Variants in SFXN1 observed in about 807,000 individuals in gnomAD.
The protein encoded by SFXN1 is sideroflexin 1, also known as sideroflexin-1.
Under a neutral mutation model 39.5 loss-of-function variants are expected in SFXN1, and 32 were observed. The ratio of observed to expected loss-of-function variants is 0.81; its 90% CI spans 0.61 to 1.09. The LOEUF (loss-of-function observed/expected upper bound fraction) is 1.09, where lower values mean the gene tolerates loss of function less well. Among genes scored for constraint, SFXN1 ranks in the 50% least tolerant of loss-of-function variants. SFXN1 has a pLI of 0.00. For synonymous variants in SFXN1, 136 were observed against 146.5 expected, an observed-to-expected ratio of 0.93 and a Z score of 0.52; for missense variants, 402 against 407.1, an observed-to-expected ratio of 0.99 and a Z score of 0.11.
intron 1 of SFXN1, among the ~76,000 whole-genome samples, chr5:175,489,213 TTA>T (rs1331943910): frequency 6.6e-6 from 1 of 152,232 alleles, no homozygotes; most frequent in African/African-American, 2.4e-5. Context: ...GAATTATATC[TTA>T]TTGGCTCATT....
At position 175,527,136 on chromosome 5, in the gene SFXN1, C is replaced by T. The variant is rs1369564439; in HGVS notation, c.*402C>T. ...TAAAATACTGAATTTTCATCTCACT[C>T]CCATTGCAAATCAAGGAGATCTCAG... On this transcript the variant is annotated 3_prime_UTR_variant, in exon 11 of 11. Coordinates refer to ENST00000321442, the MANE Select transcript of SFXN1 (RefSeq NM_022754.7). 1 of 161,754 alleles carries T rather than the reference C, an allele frequency of 6.2e-6. No homozygotes were observed. The highest frequency in any genetic ancestry group is 2.4e-5 in the African/African-American group (1 of 41,780). The allele number at this position is 161,754 out of a possible 1,614,324, so 10.0% of individuals were successfully genotyped here. A position where few individuals can be genotyped will look rare whatever the true frequency, so the allele number is the denominator to read the frequency against.
At chr5:175,511,281 G>C (rs1015239718) in intron 4 of SFXN1, among the ~76,000 whole-genome samples, 170 bp from the exon 5 acceptor site, 12 of 152,282 alleles carry the variant, frequency 7.9e-5, no homozygotes, top group African/African-American at 2.9e-4. Context: ...GGATCTGCTT[G>C]CTTTTTCTCT....
At chr5:175,494,411 G>T (rs1284427627) in intron 2 of SFXN1, among the ~76,000 whole-genome samples, 1 of 152,162 alleles carries the variant, frequency 6.6e-6, no homozygotes, top group Non-Finnish European at 1.5e-5. Context: ...TGTCACTTGG[G>T]AATTTCACAA....
At chr5:175,493,032 T>A (rs1404963445) in intron 2 of SFXN1, among the ~76,000 whole-genome samples, 1 of 152,160 alleles carries the variant, frequency 6.6e-6, no homozygotes, top group Admixed American at 6.5e-5. Flanking sequence ...GGTGGGTAGA[T>A]CACGAGGTCA....
rs148498465 is a variant in SFXN1, at chr5:175,498,172, G to A, written c.164+5905G>A. Among the ~76,000 whole-genome samples the A allele has an allele frequency of 6.5e-4, 99 of 152,192 alleles. No homozygotes were observed. The East Asian group carries it at 0.015, about 24-fold the overall frequency. On this transcript the variant is annotated intron_variant, in intron 2 of 10. Transcript: ENST00000321442. Reference sequence around the variant, plus strand: ...AATTGTACTCTGAGGAAAGTTTATAGCTTTACATATCTCTGTGATTAAACA... The same window carrying A: ...AATTGTACTCTGAGGAAAGTTTATAACTTTACATATCTCTGTGATTAAACA...
intron 1 of SFXN1, chr5:175,491,792 CTTTTCGT>C: frequency 4.8e-6 from 1 of 209,618 alleles, no homozygotes; most frequent in Non-Finnish European, 9.4e-6. Flanking sequence ...CATCCTAAAA[CTTTTCGT>C]ACCTTTATTT....
intron 1 of SFXN1, among the ~76,000 whole-genome samples, chr5:175,486,250 T>C (rs865842833): frequency 6.6e-6 from 1 of 152,042 alleles, no homozygotes. Context: ...TCAAGAAAAA[T>C]GGCTAGAAAA....
intron 1 of SFXN1, among the ~76,000 whole-genome samples, chr5:175,480,130 G>A (rs977064484): frequency 2.0e-5 from 3 of 152,158 alleles, no homozygotes; most frequent in East Asian, 3.9e-4. Flanking sequence ...GGCCAGGCGC[G>A]GTGGCTCACG....
intron 2 of SFXN1, among the ~76,000 whole-genome samples, chr5:175,508,664 A>T (rs1760400469): frequency 6.6e-6 from 1 of 151,738 alleles, no homozygotes; most frequent in Non-Finnish European, 1.5e-5. Context: ...TTTGAGACAG[A>T]GTCTCGCTTT....
intron 5 of SFXN1, 36 bp downstream of exon 5, chr5:175,511,562 A>C: frequency 1.3e-6 from 2 of 1,535,326 alleles, no homozygotes; most frequent in South Asian, 1.1e-5. Flanking sequence ...AAAGCTGTTT[A>C]ATTTGTTATC....
At position 175,492,115 on chromosome 5, in the gene SFXN1, A is replaced by C. The variant is rs938599458; in HGVS notation, c.12A>C (p.Glu4Asp). Residue 4 changes from glutamate to aspartate, a missense_variant, in exon 2 of 11, where the codon GAA (glutamate) becomes GAC (aspartate). By Grantham distance (45) the Glu-to-Asp change is conservative. Transcript: ENST00000321442. ...TGCAGTCCGGGACCATGTCTGGAGA[A>C]CTACCACCAAACATTAACATCAAGG... MSG[E>D]LPPNINIKEP... 5.0e-6 allele frequency: 8 copies of C among 1,613,230 alleles called. No homozygotes were observed. The highest frequency in any genetic ancestry group is 1.3e-5 in the African/African-American group (1 of 74,884).
chr5:175,488,305 CTT>C (rs541900398), intron 1 of SFXN1, among the ~76,000 whole-genome samples: 12 of 143,186 alleles, frequency 8.4e-5, no homozygotes, highest in East Asian at 2.0e-4. Context: ...AGATGCATTT[CTT>C]TTTTTTTTTT....
Position 175,526,839 on chromosome 5 carries a change from C to A in SFXN1, c.*105C>A. On this transcript the variant is annotated 3_prime_UTR_variant, in exon 11 of 11. Coordinates refer to ENST00000321442, the MANE Select transcript of SFXN1 (RefSeq NM_022754.7). The stretch of plus-strand genomic sequence containing the variant: ...CCTGGGTTCTCCCAGTTACGGAAAC[C>A]TTTTAAAGATCCACATTAGCCTTTT... 1 of 922,676 alleles carries A rather than the reference C, an allele frequency of 1.1e-6. No individual in the cohort carries two copies. Among genetic ancestry groups the A allele is most frequent in the South Asian group, 1.5e-5 (1 of 68,702 alleles). The allele number at this position is 922,676 out of a possible 1,614,324, so 57.2% of individuals were successfully genotyped here. A position where few individuals can be genotyped will look rare whatever the true frequency, so the allele number is the denominator to read the frequency against.
intron 8 of SFXN1, among the ~76,000 whole-genome samples, chr5:175,518,242 G>C (rs1257538127): frequency 6.6e-6 from 1 of 152,136 alleles, no homozygotes; most frequent in Non-Finnish European, 1.5e-5. Flanking sequence ...AATTGATATG[G>C]TTTGGGTCCT....
chr5:175,526,344 A>G (rs1291417766), intron 10 of SFXN1, among the ~76,000 whole-genome samples: 4 of 152,220 alleles, frequency 2.6e-5, no homozygotes, highest in Non-Finnish European at 1.5e-5. Context: ...CAACACCAGC[A>G]GGGCCTGAGA....
At chr5:175,518,902 A>G (rs940583779) in intron 8 of SFXN1, among the ~76,000 whole-genome samples, 8 of 152,224 alleles carry the variant, frequency 5.3e-5, no homozygotes, top group Non-Finnish European at 4.4e-5. Context: ...ATTGGACTTC[A>G]TCAGATTTTT....
intron 2 of SFXN1, among the ~76,000 whole-genome samples, chr5:175,506,910 C>T (rs903440641): frequency 1.3e-5 from 2 of 152,206 alleles, no homozygotes; most frequent in Admixed American, 6.5e-5. Context: ...GTGATCCACC[C>T]ACCTTGGCCT....
chr5:175,517,601 C>G (rs757693347), intron 8 of SFXN1, among the ~76,000 whole-genome samples: 1 of 152,144 alleles, frequency 6.6e-6, no homozygotes, highest in African/African-American at 2.4e-5. Flanking sequence ...CTACCACTCC[C>G]CAAGTTCACA....
rs534500513 is a variant in SFXN1 at position 175,478,870 on chromosome 5, C to A, written c.-10+231C>A. On this transcript the variant is annotated intron_variant, in intron 1 of 10. Coordinates refer to ENST00000321442, the MANE Select transcript of SFXN1 (RefSeq NM_022754.7). ...CCTGCGGCCGGACAACACCACGCTT[C>A]CAGCATCCCGAGGCCCAGCATCCCG... Among the ~76,000 whole-genome samples the A allele has an allele frequency of 6.6e-5, 10 of 150,614 alleles. 1 individual carries two copies. The South Asian group carries it at 2.1e-3, about 31-fold the overall frequency.
Sources: allele counts gnomAD v4.1 joint callset (sites outside exome capture counted in the v4.1 genomes callset), GRCh38; gene constraint gnomAD v4.1.1; transcripts MANE v1.5; gene names NCBI Gene and HGNC (gene_info 2026-07-23, HGNC 2026-07-21).